VPS13B: variants seen among roughly 807,000 people sequenced by gnomAD.
VPS13B encodes intermembrane lipid transfer protein VPS13B.
A neutral mutation model predicts 426.4 loss-of-function variants in VPS13B; 285 were observed. The ratio of observed to expected loss-of-function variants is 0.67; its 90% CI spans 0.61 to 0.74. VPS13B has a LOEUF of 0.74. VPS13B is among the 30% of genes least tolerant of loss of function. VPS13B has a pLI of 0.00. For missense variants in VPS13B, 4,537 were observed against 4,782.6 expected, an observed-to-expected ratio of 0.95 and a Z score of 1.51; for synonymous variants, 1,676 against 1,676.4, an observed-to-expected ratio of 1.00 and a Z score of 0.01.
chr8:99,825,514 G>A (rs898717619), intron 51 of VPS13B, among the ~76,000 whole-genome samples: 8 of 151,950 alleles, frequency 5.3e-5, no homozygotes, highest in Non-Finnish European at 1.0e-4. Context: ...TTTTCTTTCT[G>A]TAGGTTGCCT....
chr8:99,783,861 C>G (rs1428247601), intron 42 of VPS13B, among the ~76,000 whole-genome samples: 1 of 152,102 alleles, frequency 6.6e-6, no homozygotes, highest in African/African-American at 2.4e-5. Context: ...GGATGTTTTA[C>G]CTAAATGATT....
intron 33 of VPS13B, among the ~76,000 whole-genome samples, chr8:99,579,472 A>G (rs896968677): frequency 6.6e-6 from 1 of 151,928 alleles, no homozygotes. Flanking sequence ...ATCTCAGCCC[A>G]CTGTAACTTC....
intron 17 of VPS13B, among the ~76,000 whole-genome samples, chr8:99,231,201 C>T (rs971444256): frequency 2.6e-5 from 4 of 151,714 alleles, no homozygotes; most frequent in Non-Finnish European, 5.9e-5. Flanking sequence ...GTATAGAAAT[C>T]GTGATTTCAC....
chr8:99,018,173 G>T (rs1290597697), intron 2 of VPS13B, among the ~76,000 whole-genome samples: 3 of 152,160 alleles, frequency 2.0e-5, no homozygotes, highest in African/African-American at 7.2e-5. Context: ...ATCACTTGAG[G>T]TCAGGAGTTC....
chr8:99,616,081 A>C (rs771259940), intron 33 of VPS13B, among the ~76,000 whole-genome samples: 1 of 152,148 alleles, frequency 6.6e-6, no homozygotes, highest in Non-Finnish European at 1.5e-5. Flanking sequence ...TAGTTTGATG[A>C]GCATACCACA....
intron 43 of VPS13B, among the ~76,000 whole-genome samples, chr8:99,791,230 G>C (rs1365091008): frequency 6.6e-6 from 1 of 152,172 alleles, no homozygotes; most frequent in Non-Finnish European, 1.5e-5. Context: ...AGTGGTAGTG[G>C]TGGGGAACCC....
chr8:99,559,175 C>T (rs1380359398), intron 31 of VPS13B, among the ~76,000 whole-genome samples: 1 of 152,126 alleles, frequency 6.6e-6, no homozygotes, highest in Non-Finnish European at 1.5e-5. Context: ...GAGCATTTTT[C>T]ATGTGTCTGT....
chr8:99,349,355 A>AT (rs1458546741), intron 19 of VPS13B, among the ~76,000 whole-genome samples: 127 of 149,598 alleles, frequency 8.5e-4, no homozygotes, highest in Non-Finnish European at 1.6e-3. Context: ...AAAAAAAAAA[A>AT]GAAAATAGCA....
Position 99,378,143 on chromosome 8 carries a change from C to T in VPS13B, c.2825-6065C>T, listed in dbSNP as rs1262537138. ...GAGCGGCCATTTTAGAGCCCCCCCC[C>T]CCCGGAATGCATTCTTTTCCCAAGG... On this transcript the variant is annotated intron_variant, in intron 19 of 61. Transcript: ENST00000357162. 1.4e-5 allele frequency among the ~76,000 whole-genome samples: 2 copies of T among 140,276 alleles called. 1 individual carries two copies. Among genetic ancestry groups the T allele is most frequent in the East Asian group, 4.8e-4 (2 of 4,182 alleles). The allele number at this position is 140,276 out of a possible 152,430, so 92.0% of individuals were successfully genotyped here.
At chr8:99,478,654 G>T (rs1819873702) in intron 24 of VPS13B, among the ~76,000 whole-genome samples, 2 of 151,248 alleles carry the variant, frequency 1.3e-5, no homozygotes, top group South Asian at 4.2e-4. Context: ...TCACCATGTT[G>T]GCCAGGCTGG....
intron 17 of VPS13B, among the ~76,000 whole-genome samples, chr8:99,226,997 T>C (rs961682925): frequency 6.6e-6 from 1 of 152,216 alleles, no homozygotes; most frequent in African/African-American, 2.4e-5. Flanking sequence ...TGTCTAACTG[T>C]ATGTTTGTAC....
At chr8:99,569,898 A>G (rs1435845340) in intron 31 of VPS13B, among the ~76,000 whole-genome samples, 2 of 152,068 alleles carry the variant, frequency 1.3e-5, no homozygotes, top group Non-Finnish European at 2.9e-5. Context: ...ATGTTTTGTT[A>G]TTTTCATCGA....
At chr8:99,089,183 G>A (rs7816673) in intron 3 of VPS13B, among the ~76,000 whole-genome samples, 112,749 of 152,080 alleles carry the variant, frequency 0.74, 42,452 homozygotes, top group South Asian at 0.87. Context: ...TATAAAATGA[G>A]GATATTCTTG....
At chr8:99,050,108 C>T (rs1011781421) in intron 3 of VPS13B, among the ~76,000 whole-genome samples, 11 of 151,642 alleles carry the variant, frequency 7.3e-5, no homozygotes, top group African/African-American at 9.7e-5. Flanking sequence ...TATGTATACA[C>T]GGGCCATGTT....
chr8:99,630,041 T>C (rs1003614427), intron 33 of VPS13B, among the ~76,000 whole-genome samples: 4 of 152,178 alleles, frequency 2.6e-5, no homozygotes, highest in Admixed American at 6.5e-5. Flanking sequence ...GGGAGTTCAT[T>C]GTAGGTGCAG....
intron 3 of VPS13B, among the ~76,000 whole-genome samples, chr8:99,041,564 T>C (rs1842964621): frequency 6.6e-6 from 1 of 152,126 alleles, no homozygotes; most frequent in African/African-American, 2.4e-5. Context: ...ATCATTGAAT[T>C]AAGTCTTGGC....
chr8:99,653,420 G>T (rs969616164), intron 34 of VPS13B, among the ~76,000 whole-genome samples: 1 of 150,820 alleles, frequency 6.6e-6, no homozygotes, highest in Non-Finnish European at 1.5e-5. Context: ...CAGAAAAGAG[G>T]TTTACAGTTG....
At chr8:99,510,641 T>G (rs1435970048) in intron 28 of VPS13B, among the ~76,000 whole-genome samples, 2 of 152,166 alleles carry the variant, frequency 1.3e-5, no homozygotes, top group African/African-American at 4.8e-5. Flanking sequence ...CAACTGGGAT[T>G]ATAGGCATGT....
At chr8:99,262,893 C>T (rs1818118687) in intron 17 of VPS13B, among the ~76,000 whole-genome samples, 1 of 152,042 alleles carries the variant, frequency 6.6e-6, no homozygotes, top group South Asian at 2.1e-4. Context: ...CCACCTCAGC[C>T]TCCCAAGTAG....
Sources: gnomAD v4.1 joint callset for allele counts (sites outside exome capture counted in the v4.1 genomes callset) on GRCh38, gnomAD v4.1.1 for gene constraint, MANE v1.5 for transcripts, NCBI Gene and HGNC (gene_info 2026-07-23, HGNC 2026-07-21) for gene names.